PAK4: variants seen among roughly 807,000 people sequenced by gnomAD.
The protein encoded by PAK4 is p21 (RAC1) activated kinase 4, also known as serine/threonine-protein kinase PAK 4.
Under a neutral mutation model 53.5 loss-of-function variants are expected in PAK4, and 49 were observed. The observed-to-expected ratio is 0.92, with a 90% CI of 0.73 to 1.16. PAK4 has a LOEUF of 1.16. PAK4 is among the 50% of genes most tolerant of loss of function. PAK4 has a pLI of 0.00. For missense variants in PAK4, 824 were observed against 850.7 expected (o/e 0.97, Z 0.39); for synonymous variants, 376 against 375.6 (o/e 1.00, Z -0.01).
chr19:39,173,550 T>C lies in PAK4; in HGVS notation c.664-26T>C. On this transcript the variant is annotated intron_variant, in intron 3 of 8. Transcript: ENST00000358301. This position sits in a 1 kb window ranked among gnomAD's most constrained non-coding sequence, Gnocchi z 6.9. ...AGAGCTGCTCCCTGGCACCCATCAC[T>C]GACAGCTACCTCTCTTCTGTTTCAG... 2 of 1,507,448 alleles carry C rather than the reference T, an allele frequency of 1.3e-6. No individual in the cohort carries two copies. The highest frequency in any genetic ancestry group is 1.3e-5 in the South Asian group (1 of 75,048). The allele number at this position is 1,507,448 out of a possible 1,614,324, so 93.4% of individuals were successfully genotyped here. A position where few individuals can be genotyped will look rare whatever the true frequency, so the allele number is the denominator to read the frequency against.
intron 2 of PAK4, 127 bp from the exon 4 acceptor site, chr19:39,172,791 C>T (rs897494554): frequency 3.8e-6 from 3 of 797,718 alleles, no homozygotes; most frequent in African/African-American, 1.7e-5. Flanking sequence ...CACTCCATGG[C>T]ATCTCTTCAT....
intron 2 of PAK4, among the ~76,000 whole-genome samples, chr19:39,172,067 G>C (rs1191945858): frequency 6.6e-6 from 1 of 152,226 alleles, no homozygotes; most frequent in Non-Finnish European, 1.5e-5. Context: ...GGAGGGCAGG[G>C]GCTGGCATTT....
At chr19:39,171,501 C>T (rs2074478614) in intron 2 of PAK4, among the ~76,000 whole-genome samples, 1 of 152,240 alleles carries the variant, frequency 6.6e-6, no homozygotes, top group Non-Finnish European at 1.5e-5. Context: ...TGCTTCTTGC[C>T]TCAACGCCCT....
At chr19:39,162,792 C>G (rs1472659552) in intron 1 of PAK4, among the ~76,000 whole-genome samples, 1 of 152,150 alleles carries the variant, frequency 6.6e-6, no homozygotes, top group East Asian at 1.9e-4. Flanking sequence ...AGAGTCAGCC[C>G]TTGGTAGACA....
At chr19:39,159,135 G>C (rs573516592) in intron 1 of PAK4, among the ~76,000 whole-genome samples, 1 of 152,238 alleles carries the variant, frequency 6.6e-6, no homozygotes, top group African/African-American at 2.4e-5. Context: ...TGAGTCACTT[G>C]TCCAGGGGCA....
chr19:39,144,900 T>C (rs1296062915), intron 1 of PAK4, among the ~76,000 whole-genome samples: 1 of 152,200 alleles, frequency 6.6e-6, no homozygotes, highest in African/African-American at 2.4e-5. Context: ...CTCCCGGTTT[T>C]TCCTGCATGG....
rs1486931316 is a variant in PAK4 at position 39,176,366 on chromosome 19, A to C, written c.1360-224A>C. ...AGCCCCAGAGGCTGTCAGGGAGGGA[A>C]ATGGGGGGATCGTGGGGGAGGTGAC... On this transcript the variant is annotated intron_variant, in intron 6 of 8. Coordinates refer to ENST00000358301, the Ensembl canonical transcript of PAK4. 21 of 584,408 alleles carry C rather than the reference A, an allele frequency of 3.6e-5. No homozygotes were observed. The East Asian group carries it at 4.5e-4, about 13-fold the overall frequency. The allele number at this position is 584,408 out of a possible 1,614,324, so 36.2% of individuals were successfully genotyped here. A position where few individuals can be genotyped will look rare whatever the true frequency, so the allele number is the denominator to read the frequency against.
chr19:39,167,373 T>C (rs1163646201), intron 1 of PAK4, among the ~76,000 whole-genome samples: 1 of 151,460 alleles, frequency 6.6e-6, no homozygotes, highest in Non-Finnish European at 1.5e-5. Flanking sequence ...AGTGGGCAAA[T>C]GGGGACTGTT....
intron 1 of PAK4, among the ~76,000 whole-genome samples, chr19:39,139,993 G>A (rs150621700): frequency 4.7e-4 from 72 of 152,328 alleles, no homozygotes; most frequent in African/African-American, 1.6e-3. Context: ...ACATGTGACT[G>A]TGATTCCTGT....
chr19:39,162,104 CG>C (rs1490347333), intron 1 of PAK4, among the ~76,000 whole-genome samples: 2 of 152,116 alleles, frequency 1.3e-5, no homozygotes, highest in Admixed American at 1.3e-4. Flanking sequence ...GGACTACAGG[CG>C]CCTGCCACCA....
intron 1 of PAK4, among the ~76,000 whole-genome samples, chr19:39,142,581 G>A (rs1320913282): frequency 1.3e-5 from 2 of 152,182 alleles, no homozygotes; most frequent in Admixed American, 6.5e-5. Flanking sequence ...GGGCCTGGGA[G>A]CAATAGGCTG....
At chr19:39,138,633 C>G (rs2073860443) in intron 1 of PAK4, among the ~76,000 whole-genome samples, 1 of 152,220 alleles carries the variant, frequency 6.6e-6, no homozygotes, top group African/African-American at 2.4e-5. Context: ...GCCTTGCTGG[C>G]TGAGGACCTC....
intron 1 of PAK4, among the ~76,000 whole-genome samples, chr19:39,154,722 C>T (rs926591350): frequency 6.6e-6 from 1 of 152,198 alleles, no homozygotes; most frequent in African/African-American, 2.4e-5. Flanking sequence ...CACTCCCCGC[C>T]AGAGCCCAAA....
At chr19:39,145,208 A>T (rs1051508684) in intron 1 of PAK4, among the ~76,000 whole-genome samples, 5 of 151,616 alleles carry the variant, frequency 3.3e-5, no homozygotes, top group African/African-American at 1.2e-4. Flanking sequence ...TAAAAGACGA[A>T]ATGCTTGCTG....
At chr19:39,171,730 C>T (rs2074484324) in intron 2 of PAK4, among the ~76,000 whole-genome samples, 1 of 152,148 alleles carries the variant, frequency 6.6e-6, no homozygotes, top group East Asian at 1.9e-4. Flanking sequence ...TCAGTGTTTT[C>T]CACACATTAG....
Position 39,175,840 on chromosome 19 carries a change from ACGT to A in PAK4, c.1359+405_1359+407del, listed in dbSNP as rs1482189837. On this transcript the variant is annotated intron_variant, in intron 6 of 8. Transcript: ENST00000358301. The surrounding 1 kb of genome is among the most constrained non-coding windows in gnomAD (Gnocchi z 4.7). ...CAAATCTGAGGCTGTGACAATTATA[ACGT>A]CGGGTGGACATGATTTTCTGTGAGA... Among the ~76,000 whole-genome samples, 1 of 152,186 alleles carries A rather than the reference ACGT, an allele frequency of 6.6e-6. No individual in the cohort carries two copies. The highest frequency in any genetic ancestry group is 1.5e-5 in the Non-Finnish European group (1 of 68,038).
intron 7 of PAK4, among the ~76,000 whole-genome samples, chr19:39,177,045 T>C (rs1053040822): frequency 6.6e-6 from 1 of 152,004 alleles, no homozygotes; most frequent in South Asian, 2.1e-4. Context: ...ATTTTTGTAT[T>C]AGTAGAGATG....
chr19:39,160,668 GGGA>G (rs2074269897), intron 1 of PAK4, among the ~76,000 whole-genome samples: 1 of 152,234 alleles, frequency 6.6e-6, no homozygotes, highest in Non-Finnish European at 1.5e-5. Flanking sequence ...GAGAAGCGAG[GGGA>G]GGAGATGAGG....
chr19:39,177,502 C>T (rs1014751793), intron 7 of PAK4, among the ~76,000 whole-genome samples, 173 bp from the exon 9 acceptor site: 2 of 152,048 alleles, frequency 1.3e-5, no homozygotes, highest in African/African-American at 4.8e-5. Flanking sequence ...TGAGGGGCTC[C>T]CTGGAGGACT....
Sources: allele counts gnomAD v4.1 joint callset (sites outside exome capture counted in the v4.1 genomes callset), GRCh38; gene constraint gnomAD v4.1.1; non-coding constraint Gnocchi (gnomAD v3.1); transcripts MANE v1.5; gene names NCBI Gene and HGNC (gene_info 2026-07-23, HGNC 2026-07-21).